KLHL42: variants seen among roughly 807,000 people sequenced by gnomAD.
KLHL42 encodes kelch like family member 42.
In KLHL42, 27 loss-of-function variants were observed where a neutral mutation model predicts 32.7. That is an observed-to-expected ratio of 0.83 (90% confidence interval 0.61 to 1.14). The LOEUF (loss-of-function observed/expected upper bound fraction) is 1.14, where lower values mean the gene tolerates loss of function less well. KLHL42 is among the 50% of genes most tolerant of loss of function. The probability of loss-of-function intolerance (pLI) is 0.00; values close to 1 mark genes in which losing one functional copy is unlikely to be tolerated. For missense variants in KLHL42, 491 were observed against 560.8 expected (o/e 0.88, Z 1.26); for synonymous variants, 267 against 248.2 (o/e 1.08, Z -0.71).
intron 1 of KLHL42, among the ~76,000 whole-genome samples, chr12:27,786,929 G>C (rs2062174797): frequency 2.0e-5 from 3 of 151,474 alleles, no homozygotes; most frequent in African/African-American, 7.3e-5. Flanking sequence ...GTTTCACTGT[G>C]TTAGCCAGGA....
In KLHL42 at chr12:27,796,149, C is replaced by A. The variant is rs191612619; in HGVS notation, c.1067-1566C>A. ...GACAGTTTCCTAATGCCGTGGCTTA[C>A]AATTCTGAGATTTCTCCAGGCATCA... is the stretch of plus-strand genomic sequence containing the variant. On this transcript the variant is annotated intron_variant, in intron 2 of 2. Transcript: ENST00000381271. Among the ~76,000 whole-genome samples, 211 of 152,310 alleles carry A rather than the reference C, an allele frequency of 1.4e-3. 1 individual carries two copies. The highest frequency in any genetic ancestry group is 3.4e-3 in the Middle Eastern group (1 of 294).
Position 27,781,202 on chromosome 12 carries a change from G to GGTAAA in KLHL42, c.872+4_872+5insAGTAA, listed in dbSNP as rs754312725. On this transcript the variant is annotated stop_gained and frameshift_variant and splice_region_variant. Coordinates refer to ENST00000381271, the MANE Select transcript of KLHL42 (RefSeq NM_020782.2). LOFTEE classifies it high-confidence loss of function. ...CAGGTGGCCTCCATGAACCAGAAGAGGTAAGCACCCCGGCAGAGTGCTGCT... is the reference window on the plus strand; with the variant it reads ...CAGGTGGCCTCCATGAACCAGAAGAGGTAAAGTAAGCACCCCGGCAGAGTGCTGCT... The GGTAAA allele has an allele frequency of 1.2e-6, 2 of 1,613,422 alleles. No homozygotes were observed. The highest frequency in any genetic ancestry group is 8.5e-7 in the Non-Finnish European group (1 of 1,180,004).
chr12:27,788,672 G>T (rs1270985593), intron 1 of KLHL42, among the ~76,000 whole-genome samples: 1 of 152,176 alleles, frequency 6.6e-6, no homozygotes, highest in Admixed American at 6.5e-5. Flanking sequence ...TCCAGCCTGG[G>T]CAATGAAACG....
At position 27,799,053 on chromosome 12, in the gene KLHL42, A is replaced by C. The variant is rs1200356664; in HGVS notation, c.*887A>C. On this transcript the variant is annotated 3_prime_UTR_variant, in exon 3 of 3. Transcript: ENST00000381271. The stretch of plus-strand genomic sequence containing the variant: ...TGCCTTTAAGAGTTACTTTTGTTGA[A>C]TGTATTTGACTTAGTTCTTATTTTA... 6.6e-6 allele frequency: 1 copy of C among 152,632 alleles called. No individual in the cohort carries two copies. The highest frequency in any genetic ancestry group is 2.4e-5 in the African/African-American group (1 of 41,446). 9.5% of individuals were successfully genotyped at this position (152,632 alleles called of 1,614,324 possible).
intron 2 of KLHL42, among the ~76,000 whole-genome samples, chr12:27,792,807 G>A (rs2062203228): frequency 6.6e-6 from 1 of 152,326 alleles, no homozygotes; most frequent in South Asian, 2.1e-4. Context: ...ACAGGTGTGA[G>A]CCACCGTGCC....
rs1404794612 is a variant in KLHL42 at position 27,801,004 on chromosome 12, T to C, written c.*2838T>C. 6.6e-6 allele frequency: 1 copy of C among 152,368 alleles called. No homozygotes were observed. The highest frequency in any genetic ancestry group is 2.4e-5 in the African/African-American group (1 of 41,442). The allele number at this position is 152,368 out of a possible 1,614,324, so 9.4% of individuals were successfully genotyped here. Reference sequence around the variant, plus strand: ...TTCCTGTTATTCTCTCTGGCTTTCCTTTCAACCCACTTATTTTCAGAGGCC... The same window carrying C: ...TTCCTGTTATTCTCTCTGGCTTTCCCTTCAACCCACTTATTTTCAGAGGCC... On this transcript the variant is annotated 3_prime_UTR_variant, in exon 3 of 3. Transcript: ENST00000381271.
rs2140826888 is a variant in KLHL42, at chr12:27,800,398, T to C, written c.*2232T>C. 1.0e-6 allele frequency: 1 copy of C among 984,574 alleles called. No individual in the cohort carries two copies. Among genetic ancestry groups the C allele is most frequent in the Admixed American group, 6.2e-5 (1 of 16,246 alleles). 61.0% of individuals were successfully genotyped at this position (984,574 alleles called of 1,614,324 possible). The stretch of plus-strand genomic sequence containing the variant: ...TATGTTTGCATATTATAGCTCTCTT[T>C]AAGACAGACATCTAAAAAGATTTTG... On this transcript the variant is annotated 3_prime_UTR_variant, in exon 3 of 3. Transcript: ENST00000381271.
At position 27,802,487 on chromosome 12, in the gene KLHL42, G is replaced by C. The variant is rs2062252227; in HGVS notation, c.*4321G>C. On this transcript the variant is annotated 3_prime_UTR_variant, in exon 3 of 3. Coordinates refer to ENST00000381271, the MANE Select transcript of KLHL42 (RefSeq NM_020782.2). ...TTTCATCCTTAGATTTTATTCACATGAGAGATTTTTTTTATTTTCTCTGTT... is the reference window on the plus strand; with the variant it reads ...TTTCATCCTTAGATTTTATTCACATCAGAGATTTTTTTTATTTTCTCTGTT... 1 of 152,610 alleles carries C rather than the reference G, an allele frequency of 6.6e-6. No homozygotes were observed. Among genetic ancestry groups the C allele is most frequent in the Admixed American group, 6.5e-5 (1 of 15,290 alleles). The allele number at this position is 152,610 out of a possible 1,614,324, so 9.5% of individuals were successfully genotyped here.
At position 27,798,568 on chromosome 12, in the gene KLHL42, GT is replaced by G. The variant is rs1207444306; in HGVS notation, c.*406del. 7 of 169,108 alleles carry G rather than the reference GT, an allele frequency of 4.1e-5. No homozygotes were observed. Among genetic ancestry groups the G allele is most frequent in the Admixed American group, 1.7e-4 (3 of 17,390 alleles). The allele number at this position is 169,108 out of a possible 1,614,324, so 10.5% of individuals were successfully genotyped here. On this transcript the variant is annotated 3_prime_UTR_variant, in exon 3 of 3. Transcript: ENST00000381271. ...ATATCATTAGCACCTTAAGTGAGAG[GT>G]TTTCTTTTTCTTATCAGTGTCCTTG...
chr12:27,800,432 G>A lies in KLHL42; in HGVS notation c.*2266G>A, dbSNP rs1420233795. The A allele has an allele frequency of 9.4e-6, 9 of 954,676 alleles. No individual in the cohort carries two copies. In the Admixed American group the frequency reaches 5.6e-4, roughly 59 times the overall value. The allele number at this position is 954,676 out of a possible 1,614,324, so 59.1% of individuals were successfully genotyped here. A position where few individuals can be genotyped will look rare whatever the true frequency, so the allele number is the denominator to read the frequency against. ...CATCTAAAAAGATTTTGGTTATTCT[G>A]GGCTGCCAGCAGTACGTGGGAAAGG... On this transcript the variant is annotated 3_prime_UTR_variant, in exon 3 of 3. Transcript: ENST00000381271.
chr12:27,785,304 A>G (rs369841060), intron 1 of KLHL42, among the ~76,000 whole-genome samples: 5 of 152,136 alleles, frequency 3.3e-5, no homozygotes, highest in African/African-American at 1.2e-4. Context: ...GGCTCAAGCA[A>G]TCCTCCTGCT....
rs2140825527 is a variant in KLHL42, at chr12:27,798,953, A to G, written c.*787A>G. 1 of 152,720 alleles carries G rather than the reference A, an allele frequency of 6.5e-6. No individual in the cohort carries two copies. The highest frequency in any genetic ancestry group is 1.9e-4 in the East Asian group (1 of 5,190). The allele number at this position is 152,720 out of a possible 1,614,324, so 9.5% of individuals were successfully genotyped here. ...GAGGATATATTATTTAGAAAAATGG[A>G]CATATGAATATTATTAAAAATTGAG... On this transcript the variant is annotated 3_prime_UTR_variant, in exon 3 of 3. Transcript: ENST00000381271.
Position 27,780,395 on chromosome 12 carries a change from A to G in KLHL42, c.65A>G (p.Lys22Arg). 6.4e-7 allele frequency: 1 copy of G among 1,574,346 alleles called. No individual in the cohort carries two copies. The highest frequency in any genetic ancestry group is 1.4e-5 in the African/African-American group (1 of 72,994). The change falls in exon 1 of 3, where the codon AAG becomes AGG. Residue 22 changes from lysine (K) to arginine (R), a missense_variant. Physicochemically the swap from Lys to Arg is conservative, Grantham distance 26. Transcript: ENST00000381271. The surrounding 1 kb of genome is among the most constrained non-coding windows in gnomAD (Gnocchi z 8.8). ...CGCTGCTACCCGGTGAGCAAGAGGA[A>G]GCTCATCGAGCAGAGCGACTACTTC... ...EDRCYPVSKR[K>R]LIEQSDYFRA... is the part of the protein sequence containing the mutation.
intron 2 of KLHL42, among the ~76,000 whole-genome samples, chr12:27,795,982 C>T (rs1467035451): frequency 2.6e-5 from 4 of 152,124 alleles, no homozygotes; most frequent in Admixed American, 6.6e-5. Context: ...TTTATTGGTT[C>T]GGTGGACAGC....
At position 27,791,697 on chromosome 12, in the gene KLHL42, C is replaced by T; in HGVS notation, c.873-11C>T. 2 of 1,610,152 alleles carry T rather than the reference C, an allele frequency of 1.2e-6. No individual in the cohort carries two copies. The highest frequency in any genetic ancestry group is 1.7e-6 in the Non-Finnish European group (2 of 1,176,466). Reference sequence around the variant, plus strand: ...GAACTAACTCTGTGGGCCTTTGTGTCTCTCTTTCAGGTCTAACTTCAAACT... The same window carrying T: ...GAACTAACTCTGTGGGCCTTTGTGTTTCTCTTTCAGGTCTAACTTCAAACT... On this transcript the variant is annotated splice_polypyrimidine_tract_variant and intron_variant, in intron 1 of 2. Coordinates refer to ENST00000381271, the MANE Select transcript of KLHL42 (RefSeq NM_020782.2).
intron 1 of KLHL42, among the ~76,000 whole-genome samples, chr12:27,783,237 C>T (rs2062156513): frequency 6.6e-6 from 1 of 151,936 alleles, no homozygotes; most frequent in Non-Finnish European, 1.5e-5. Context: ...TCATCCTTAT[C>T]ATCTTGACGC....
Position 27,780,779 on chromosome 12 carries a change from T to G in KLHL42, c.449T>G (p.Leu150Arg), listed in dbSNP as rs748077334. 6.2e-7 allele frequency: 1 copy of G among 1,613,640 alleles called. No individual in the cohort carries two copies. Among genetic ancestry groups the G allele is most frequent in the Non-Finnish European group, 8.5e-7 (1 of 1,180,010 alleles). The change falls in exon 1 of 3, where the codon CTG becomes CGG. Residue 150 changes from leucine (L) to arginine (R), a missense_variant. Around this residue, in one of 4 missense-constraint regions of KLHL42, gnomAD observed 248 missense variants for 329.2 expected, o/e 0.75. Coordinates refer to ENST00000381271, the MANE Select transcript of KLHL42 (RefSeq NM_020782.2). This position sits in a 1 kb window ranked among gnomAD's most constrained non-coding sequence, Gnocchi z 8.8. ...YGLPDLQEACLRFMVVHFHEV... is the reference protein window; with the variant it reads ...YGLPDLQEACRRFMVVHFHEV... ...CTGCCCGACCTGCAGGAGGCCTGCC[T>G]GCGCTTCATGGTCGTCCACTTCCAC... is the stretch of plus-strand genomic sequence containing the variant.
chr12:27,781,292 G>C, intron 1 of KLHL42, 90 bp downstream of exon 1: 1 of 1,391,866 alleles, frequency 7.2e-7, no homozygotes, highest in South Asian at 1.3e-5. Context: ...CAGTAAATAG[G>C]GGAGGGTGTG....
rs144298982 is a variant in KLHL42 at position 27,798,038 on chromosome 12, T to C, written c.1390T>C (p.Leu464=). 2.6e-6 allele frequency: 2 copies of C among 781,112 alleles called. No homozygotes were observed. The highest frequency in any genetic ancestry group is 1.3e-5 in the South Asian group (1 of 74,624). 48.4% of individuals were successfully genotyped at this position (781,112 alleles called of 1,614,324 possible). A position where few individuals can be genotyped will look rare whatever the true frequency, so the allele number is the denominator to read the frequency against. ...CAGAGACGTCACCCTGTCGACCAGC[T>C]TGGAACACCGAGTGTTCCTCAAGTA... ...MSRDVTLSTS[L]EHRVFLKYNI... is the part of the protein sequence containing the mutation. The change falls in exon 3 of 3, where the codon TTG becomes CTG. Residue 464 remains leucine, a synonymous_variant. Coordinates refer to ENST00000381271, the MANE Select transcript of KLHL42 (RefSeq NM_020782.2).
Sources: allele counts gnomAD v4.1 joint callset (sites outside exome capture counted in the v4.1 genomes callset), GRCh38; gene constraint gnomAD v4.1.1; regional missense constraint gnomAD v4.1.1; non-coding constraint Gnocchi (gnomAD v3.1); transcripts MANE v1.5; gene names NCBI Gene and HGNC (gene_info 2026-07-23, HGNC 2026-07-21).